Variants in ESRRG observed in about 807,000 individuals in gnomAD.
ESRRG encodes estrogen related receptor gamma, also known as estrogen-related receptor gamma.
ESRRG carries 13 observed loss-of-function variants against 44.0 expected under a neutral mutation model. The ratio of observed to expected loss-of-function variants is 0.30; its 90% CI spans 0.19 to 0.47. ESRRG has a LOEUF of 0.47. ESRRG is among the 20% of genes least tolerant of loss of function. The probability of loss-of-function intolerance (pLI) is 1.00; values close to 1 mark genes in which losing one functional copy is unlikely to be tolerated. For missense variants in ESRRG, 395 were observed against 580.6 expected (o/e 0.68, Z 3.29); for synonymous variants, 215 against 214.6 (o/e 1.00, Z -0.02).
intron 1 of ESRRG, among the ~76,000 whole-genome samples, chr1:217,020,478 C>T (rs2080115155): frequency 6.6e-6 from 1 of 152,198 alleles, no homozygotes; most frequent in African/African-American, 2.4e-5. Context: ...AAGGGAAATA[C>T]TGCCTTCCTC....
chr1:216,634,437 G>A (rs961065962), intron 3 of ESRRG, among the ~76,000 whole-genome samples: 4 of 151,838 alleles, frequency 2.6e-5, no homozygotes, highest in African/African-American at 7.3e-5. Flanking sequence ...CACTATGAGA[G>A]AATTTTTGAA....
At chr1:216,549,698 T>C (rs2055675957) in intron 5 of ESRRG, among the ~76,000 whole-genome samples, 1 of 152,062 alleles carries the variant, frequency 6.6e-6, no homozygotes, top group Admixed American at 6.6e-5. Flanking sequence ...ATGGCTTAGA[T>C]CAAAAGAATA....
At chr1:216,880,505 A>G (rs2096429632) in intron 2 of ESRRG, among the ~76,000 whole-genome samples, 1 of 152,000 alleles carries the variant, frequency 6.6e-6, no homozygotes, top group Admixed American at 6.6e-5. Flanking sequence ...CAGCCACCCA[A>G]AGATTTCTAC....
At chr1:216,625,632 T>C (rs2150565346) in intron 3 of ESRRG, among the ~76,000 whole-genome samples, 1 of 152,220 alleles carries the variant, frequency 6.6e-6, no homozygotes, top group African/African-American at 2.4e-5. Flanking sequence ...CAACTCCAAA[T>C]TCCATCTCCA....
intron 2 of ESRRG, among the ~76,000 whole-genome samples, chr1:216,670,864 T>C (rs2075040216): frequency 6.6e-6 from 1 of 152,142 alleles, no homozygotes; most frequent in Non-Finnish European, 1.5e-5. Context: ...TTGCACTGCC[T>C]CTCACTGACA....
chr1:216,562,045 G>C (rs751618854), intron 5 of ESRRG, among the ~76,000 whole-genome samples: 7 of 152,136 alleles, frequency 4.6e-5, no homozygotes, highest in Non-Finnish European at 7.4e-5. Context: ...ATTTCTACTT[G>C]GATGCACAGT....
At chr1:217,061,720 C>A (rs1230260148) in intron 1 of ESRRG, among the ~76,000 whole-genome samples, 1 of 152,140 alleles carries the variant, frequency 6.6e-6, no homozygotes, top group Non-Finnish European at 1.5e-5. Context: ...TTTGTCCAGC[C>A]TAAGCACTGC....
At chr1:216,880,015 A>T (rs889125875) in intron 2 of ESRRG, among the ~76,000 whole-genome samples, 1 of 152,112 alleles carries the variant, frequency 6.6e-6, no homozygotes, top group African/African-American at 2.4e-5. Context: ...CTACTTTAAA[A>T]AGATAAACTA....
intron 2 of ESRRG, among the ~76,000 whole-genome samples, chr1:216,735,821 A>C (rs2089758942): frequency 6.6e-6 from 1 of 151,680 alleles, no homozygotes; most frequent in Non-Finnish European, 1.5e-5. Flanking sequence ...TCTACTAAAA[A>C]TACAAAAATT....
chr1:216,780,744 C>T (rs577155884), intron 2 of ESRRG, among the ~76,000 whole-genome samples: 4 of 152,072 alleles, frequency 2.6e-5, no homozygotes, highest in South Asian at 2.1e-4. Context: ...AAGGGATTTT[C>T]GAGGACCTAC....
At chr1:216,767,682 C>T (rs2093151901) in intron 2 of ESRRG, among the ~76,000 whole-genome samples, 1 of 152,116 alleles carries the variant, frequency 6.6e-6, no homozygotes, top group Non-Finnish European at 1.5e-5. Flanking sequence ...GTACAAATGG[C>T]ACAAGAGAAT....
In ESRRG at chr1:216,675,180, G is replaced by A. The variant is rs139319164; in HGVS notation, c.472+1896C>T. ...GTTCGAGACCAGCCTGGCCAATGTG[G>A]TGAAACCTTGTCTCTACTAAAAATA... On this transcript the variant is annotated intron_variant, in intron 2 of 6. Transcript: ENST00000408911. 5.7e-3 allele frequency among the ~76,000 whole-genome samples: 872 copies of A among 152,070 alleles called. 9 individuals carry two copies. Among genetic ancestry groups the A allele is most frequent in the African/African-American group, 0.02 (836 of 41,530 alleles).
At chr1:216,833,018 A>ATGTC (rs1553636180) in intron 2 of ESRRG, among the ~76,000 whole-genome samples, 3 of 151,206 alleles carry the variant, frequency 2.0e-5, no homozygotes, top group African/African-American at 7.3e-5. Flanking sequence ...TTGTAAATTA[A>ATGTC]TTTTATTTTT....
chr1:216,851,736 G>A (rs1266940821), intron 2 of ESRRG, among the ~76,000 whole-genome samples: 1 of 152,182 alleles, frequency 6.6e-6, no homozygotes, highest in African/African-American at 2.4e-5. Flanking sequence ...AGACACTACT[G>A]TTGGCTGCTA....
chr1:216,661,890 T>C lies in ESRRG; in HGVS notation c.473-10801A>G, dbSNP rs191175530. On this transcript the variant is annotated intron_variant, in intron 2 of 6. Transcript: ENST00000408911. ...TGTGTGTAAGCTGTAGGAGGCAGTA[T>C]AACATATAGATTACGAGCTAACATA... Among the ~76,000 whole-genome samples the C allele has an allele frequency of 1.7e-3, 252 of 152,286 alleles. 1 individual carries two copies. The highest frequency in any genetic ancestry group is 2.5e-3 in the Non-Finnish European group (169 of 68,018).
rs568961089 is a variant in ESRRG, at chr1:216,846,318, T to C, written c.-14+93264A>G. Reference sequence around the variant, plus strand: ...TTGCCATTTAGTTAACAATGCCCTATAAGAAATTACTAGGTTATTTTTACT... The same window carrying C: ...TTGCCATTTAGTTAACAATGCCCTACAAGAAATTACTAGGTTATTTTTACT... On this transcript the variant is annotated intron_variant, in intron 2 of 7. Transcript: ENST00000359162. 1.6e-4 allele frequency among the ~76,000 whole-genome samples: 24 copies of C among 152,264 alleles called. No homozygotes were observed. The South Asian group carries it at 4.4e-3, about 28-fold the overall frequency.
At chr1:216,584,349 C>CG (rs2063367370) in intron 3 of ESRRG, among the ~76,000 whole-genome samples, 2 of 151,698 alleles carry the variant, frequency 1.3e-5, no homozygotes, top group South Asian at 4.2e-4. Flanking sequence ...CTCTGCCCGC[C>CG]GGGTTCATGC....
intron 1 of ESRRG, among the ~76,000 whole-genome samples, chr1:217,056,374 T>C (rs2087093230): frequency 6.6e-6 from 1 of 152,188 alleles, no homozygotes; most frequent in African/African-American, 2.4e-5. Context: ...CATATATTTA[T>C]TTCTGGAAGA....
intron 2 of ESRRG, chr1:216,863,400 T>A (rs1577367098): frequency 6.6e-6 from 1 of 152,330 alleles, no homozygotes; most frequent in East Asian, 1.9e-4. Flanking sequence ...ATTCTCAGAA[T>A]TTCTTTCCTT....
Sources: gnomAD v4.1 joint callset for allele counts (sites outside exome capture counted in the v4.1 genomes callset) on GRCh38, gnomAD v4.1.1 for gene constraint, MANE v1.5 for transcripts, NCBI Gene and HGNC (gene_info 2026-07-23, HGNC 2026-07-21) for gene names.